The following NOS1AP variants were observed in gnomAD, a reference collection of about 807,000 sequenced individuals.
The protein encoded by NOS1AP is nitric oxide synthase 1 adaptor protein.
NOS1AP carries 21 observed loss-of-function variants against 56.2 expected under a neutral mutation model. That is an observed-to-expected ratio of 0.37 (90% CI 0.26 to 0.54). The LOEUF is 0.54. Ranked by LOEUF, NOS1AP falls within the 20% of genes least tolerant of loss-of-function variation. NOS1AP has a pLI of 0.84. For missense variants in NOS1AP, 522 were observed against 657.8 expected (o/e 0.79, Z 2.26); for synonymous variants, 270 against 274.6 (o/e 0.98, Z 0.17).
At chr1:162,357,956 A>G (rs1471050663) in intron 8 of NOS1AP, among the ~76,000 whole-genome samples, 1 of 152,174 alleles carries the variant, frequency 6.6e-6, no homozygotes, top group Non-Finnish European at 1.5e-5. Context: ...ATTCATACCC[A>G]AGGCTGAATC....
At chr1:162,312,192 CCCA>C (rs1455709846) in intron 4 of NOS1AP, among the ~76,000 whole-genome samples, 1 of 146,642 alleles carries the variant, frequency 6.8e-6, no homozygotes, top group Non-Finnish European at 1.5e-5. Flanking sequence ...AGTTTACAGT[CCCA>C]CCAACAGTGT....
chr1:162,214,492 A>G (rs1281627715), intron 2 of NOS1AP, among the ~76,000 whole-genome samples: 1 of 152,116 alleles, frequency 6.6e-6, no homozygotes, highest in Non-Finnish European at 1.5e-5. Context: ...GACTGGAGGG[A>G]AGGGCTGCTT....
intron 3 of NOS1AP, among the ~76,000 whole-genome samples, chr1:162,300,265 T>C (rs2812136): frequency 0.98 from 148,534 of 152,246 alleles, 72,573 homozygotes; most frequent in Middle Eastern, 1. Context: ...TTGTGTTCAC[T>C]GTAAGTTAGG....
rs1266990984 is a variant in NOS1AP, at chr1:162,070,071, C to T, written c.-107C>T. The T allele has an allele frequency of 1.1e-6, 1 of 876,714 alleles. No homozygotes were observed. The highest frequency in any genetic ancestry group is 1.8e-6 in the Non-Finnish European group (1 of 552,796). The allele number at this position is 876,714 out of a possible 1,614,324, so 54.3% of individuals were successfully genotyped here. On this transcript the variant is annotated 5_prime_UTR_variant, in exon 1 of 10. Coordinates refer to ENST00000361897, the MANE Select transcript of NOS1AP (RefSeq NM_014697.3). ...GCTCCCCCTGCCCAGCGCTCCCAGG[C>T]CCCGCCACGCGTCGCCGCGCCCAGC...
intron 2 of NOS1AP, among the ~76,000 whole-genome samples, chr1:162,246,365 T>C (rs1035034278): frequency 1.3e-5 from 2 of 152,182 alleles, no homozygotes; most frequent in Admixed American, 6.6e-5. Context: ...GATGTGGCCA[T>C]TGGATGCTGC....
At chr1:162,145,049 C>T (rs554953126) in intron 1 of NOS1AP, among the ~76,000 whole-genome samples, 5 of 152,284 alleles carry the variant, frequency 3.3e-5, no homozygotes, top group East Asian at 3.9e-4. Flanking sequence ...CTGTGATCTC[C>T]GGCACATTCA....
chr1:162,109,721 A>G (rs543996777), intron 1 of NOS1AP, among the ~76,000 whole-genome samples: 2 of 152,160 alleles, frequency 1.3e-5, no homozygotes, highest in East Asian at 3.9e-4. Context: ...TTTCATTTTT[A>G]TAATGTCTTT....
At chr1:162,135,314 C>T (rs1004607184) in intron 1 of NOS1AP, among the ~76,000 whole-genome samples, 27 of 152,280 alleles carry the variant, frequency 1.8e-4, no homozygotes, top group Admixed American at 1.6e-3. Context: ...ATGCAGGCTA[C>T]TCAAGGACAG....
intron 1 of NOS1AP, among the ~76,000 whole-genome samples, chr1:162,137,435 G>C (rs1474699744): frequency 1.3e-5 from 2 of 152,080 alleles, no homozygotes; most frequent in Non-Finnish European, 2.9e-5. Flanking sequence ...CAGAGTTAAT[G>C]GTACCCATCA....
At chr1:162,129,834 C>T (rs530737498) in intron 1 of NOS1AP, among the ~76,000 whole-genome samples, 1 of 152,346 alleles carries the variant, frequency 6.6e-6, no homozygotes, top group South Asian at 2.1e-4. Flanking sequence ...GCTTATGACA[C>T]AGCTAAATGC....
In NOS1AP at chr1:162,095,189, G is replaced by T. The variant is rs899171079; in HGVS notation, c.105+24907G>T. The stretch of plus-strand genomic sequence containing the variant: ...ATGTTTGTGTCCTCCCCGAATTTTT[G>T]TGTTGAGGCCCTAATGCCCAGTGTG... On this transcript the variant is annotated intron_variant, in intron 1 of 9. Transcript: ENST00000361897. 2.6e-5 allele frequency among the ~76,000 whole-genome samples: 4 copies of T among 152,156 alleles called. No homozygotes were observed. The South Asian group carries it at 6.2e-4, about 24-fold the overall frequency.
chr1:162,149,254 T>G (rs1649605927), intron 1 of NOS1AP, among the ~76,000 whole-genome samples: 1 of 152,190 alleles, frequency 6.6e-6, no homozygotes, highest in Non-Finnish European at 1.5e-5. Context: ...CTGACCCCTG[T>G]AGGAATTGAC....
At chr1:162,234,290 G>A (rs1387294523) in intron 2 of NOS1AP, among the ~76,000 whole-genome samples, 4 of 152,192 alleles carry the variant, frequency 2.6e-5, no homozygotes, top group African/African-American at 4.8e-5. Flanking sequence ...GGCTTTAAAG[G>A]AGCGAGGGTA....
At chr1:162,199,542 C>G (rs1380650417) in intron 2 of NOS1AP, among the ~76,000 whole-genome samples, 1 of 151,342 alleles carries the variant, frequency 6.6e-6, no homozygotes. Context: ...AAGTCTAGAG[C>G]CTGGACCTCC....
At chr1:162,248,752 C>T (rs1405344660) in intron 2 of NOS1AP, among the ~76,000 whole-genome samples, 1 of 152,160 alleles carries the variant, frequency 6.6e-6, no homozygotes, top group Non-Finnish European at 1.5e-5. Flanking sequence ...TCCACCAACA[C>T]AAATAACAAC....
intron 8 of NOS1AP, chr1:162,364,687 T>C (rs774087535): frequency 1.7e-5 from 17 of 985,458 alleles, no homozygotes; most frequent in African/African-American, 3.5e-5. Context: ...AGTCAGCAAA[T>C]GTTTGACCCC....
At chr1:162,363,829 C>T in intron 8 of NOS1AP, 2 of 985,446 alleles carry the variant, frequency 2.0e-6, no homozygotes, top group Non-Finnish European at 2.4e-6. Context: ...AAAAATGAGT[C>T]TGACTTCTTG....
chr1:162,098,209 C>T (rs890487193), intron 1 of NOS1AP, among the ~76,000 whole-genome samples: 1 of 147,822 alleles, frequency 6.8e-6, no homozygotes, highest in Admixed American at 6.9e-5. Flanking sequence ...TGGGCTCAAG[C>T]AGTCTTCCTG....
intron 2 of NOS1AP, among the ~76,000 whole-genome samples, chr1:162,170,670 T>C (rs1650725259): frequency 6.6e-6 from 1 of 152,136 alleles, no homozygotes; most frequent in African/African-American, 2.4e-5. Context: ...CTCACGCCTG[T>C]AATCCCAGCA....
Sources: gnomAD v4.1 joint callset for allele counts (sites outside exome capture counted in the v4.1 genomes callset) on GRCh38, gnomAD v4.1.1 for gene constraint, MANE v1.5 for transcripts, NCBI Gene and HGNC (gene_info 2026-07-23, HGNC 2026-07-21) for gene names.